The following DGKI variants were observed in gnomAD, a reference collection of about 807,000 sequenced individuals.
DGKI encodes DAG kinase iota.
In DGKI, 55 loss-of-function variants were observed where a neutral mutation model predicts 147.5. That is an observed-to-expected ratio of 0.37 (90% CI 0.30 to 0.47). The LOEUF (loss-of-function observed/expected upper bound fraction) is 0.47. Ranked by LOEUF, DGKI falls within the 20% of genes least tolerant of loss-of-function variation. DGKI has a pLI of 1.00. For synonymous variants in DGKI, 469 were observed against 477.1 expected (o/e 0.98, Z 0.22); for missense variants, 1,007 against 1,323.8 (o/e 0.76, Z 3.71).
chr7:137,831,340 C>T (rs1355513968), intron 1 of DGKI, among the ~76,000 whole-genome samples: 4 of 152,190 alleles, frequency 2.6e-5, no homozygotes, highest in African/African-American at 9.7e-5. Context: ...GCTGATAAAA[C>T]ATACCCAGGA....
At chr7:137,781,757 C>T (rs1796524703) in intron 1 of DGKI, among the ~76,000 whole-genome samples, 1 of 152,080 alleles carries the variant, frequency 6.6e-6, no homozygotes, top group African/African-American at 2.4e-5. Context: ...TTTTAATTGC[C>T]TAAGAGTGAC....
At position 137,646,261 on chromosome 7, in the gene DGKI, C is replaced by T. The variant is rs1053945716; in HGVS notation, c.739-724G>A. 8.5e-5 allele frequency among the ~76,000 whole-genome samples: 13 copies of T among 152,068 alleles called. No individual in the cohort carries two copies. In the East Asian group the frequency reaches 9.6e-4, roughly 11 times the overall value. On this transcript the variant is annotated intron_variant, in intron 5 of 32. Coordinates refer to ENST00000614521, the MANE Select transcript of DGKI (RefSeq NM_001321708.2). ...GAGATCTCCTAATACAAGACATAGA[C>T]GTGAGAATTATTCACTAGATAGAGT...
Position 137,475,431 on chromosome 7 carries a change from C to T in DGKI, c.2374-5812G>A, listed in dbSNP as rs1018047153. ...ATGTCTTCTATCACCAACAAGCATA[C>T]ATTTCGGAACATTTTATTTTACTGA... On this transcript the variant is annotated intron_variant, in intron 23 of 32. Coordinates refer to ENST00000614521, the MANE Select transcript of DGKI (RefSeq NM_001321708.2). 2.0e-5 allele frequency among the ~76,000 whole-genome samples: 3 copies of T among 152,154 alleles called. No homozygotes were observed. In the South Asian group the frequency reaches 6.2e-4, roughly 32 times the overall value.
intron 15 of DGKI, among the ~76,000 whole-genome samples, chr7:137,580,186 T>C (rs1038900305): frequency 1.3e-5 from 2 of 152,132 alleles, no homozygotes; most frequent in Admixed American, 6.6e-5. Context: ...TTTGTGATAA[T>C]TGTGTTACTT....
intron 1 of DGKI, among the ~76,000 whole-genome samples, chr7:137,789,991 C>T (rs185690150): frequency 6.6e-6 from 1 of 152,266 alleles, no homozygotes; most frequent in East Asian, 1.9e-4. Flanking sequence ...TTGCACACTT[C>T]TTCAGAAAAG....
At chr7:137,397,324 A>G in intron 31 of DGKI, 53 bp downstream of exon 31, 1 of 1,522,666 alleles carries the variant, frequency 6.6e-7, no homozygotes, top group African/African-American at 1.4e-5. Flanking sequence ...TTCTTCTCCC[A>G]GATATGTTCT....
chr7:137,801,982 A>G (rs1797226687), intron 1 of DGKI, among the ~76,000 whole-genome samples: 1 of 152,230 alleles, frequency 6.6e-6, no homozygotes, highest in Admixed American at 6.5e-5. Context: ...GCAAAAATAT[A>G]AAATGGGCCT....
intron 1 of DGKI, among the ~76,000 whole-genome samples, chr7:137,826,319 C>A (rs1453524733): frequency 6.6e-6 from 1 of 152,216 alleles, no homozygotes; most frequent in East Asian, 1.9e-4. Context: ...AATAAGCCGG[C>A]CATCGTCCTA....
At chr7:137,730,485 G>C (rs1197390843) in intron 1 of DGKI, among the ~76,000 whole-genome samples, 1 of 151,794 alleles carries the variant, frequency 6.6e-6, no homozygotes, top group African/African-American at 2.4e-5. Flanking sequence ...TTTATTCCTG[G>C]ATCTTTGTAA....
chr7:137,592,977 G>C (rs899912875), intron 12 of DGKI, among the ~76,000 whole-genome samples: 4 of 152,170 alleles, frequency 2.6e-5, no homozygotes, highest in Non-Finnish European at 5.9e-5. Context: ...ATGAGGAAAG[G>C]GGCTTAGGAT....
chr7:137,672,213 T>C (rs749545513), intron 3 of DGKI, among the ~76,000 whole-genome samples: 17 of 152,218 alleles, frequency 1.1e-4, no homozygotes, highest in Non-Finnish European at 2.4e-4. Flanking sequence ...AACTGCGGTA[T>C]CTGCATGGCT....
chr7:137,746,513 T>G (rs1178577625), intron 1 of DGKI, among the ~76,000 whole-genome samples: 1 of 152,182 alleles, frequency 6.6e-6, no homozygotes, highest in Non-Finnish European at 1.5e-5. Context: ...AAAATGAATT[T>G]CCCACTGGCA....
In DGKI at chr7:137,410,629, GT is replaced by G. The variant is rs749821742; in HGVS notation, c.2799+1540del. On this transcript the variant is annotated intron_variant, in intron 29 of 32. Transcript: ENST00000614521. ...TTTATTTAAAAGTACAAAAAAAAGT[GT>G]GATAATAAACTCAGGATCTTGGGAA... is the stretch of plus-strand genomic sequence containing the variant. Among the ~76,000 whole-genome samples, 472 of 152,312 alleles carry G rather than the reference GT, an allele frequency of 3.1e-3. 2 individuals are homozygous for G. The highest frequency in any genetic ancestry group is 0.01 in the African/African-American group (428 of 41,578).
At chr7:137,695,485 CAAT>C in intron 1 of DGKI, among the ~76,000 whole-genome samples, 1 of 152,280 alleles carries the variant, frequency 6.6e-6, no homozygotes, top group South Asian at 2.1e-4. Context: ...GTATCCCTCA[CAAT>C]AATAAGGTAT....
rs146927098 is a variant in DGKI at position 137,634,494 on chromosome 7, C to T, written c.805-10940G>A. Among the ~76,000 whole-genome samples the T allele has an allele frequency of 1.3e-3, 202 of 152,246 alleles. 1 individual carries two copies. Among genetic ancestry groups the T allele is most frequent in the Non-Finnish European group, 2.5e-3 (168 of 68,022 alleles). On this transcript the variant is annotated intron_variant, in intron 6 of 32. Coordinates refer to ENST00000614521, the MANE Select transcript of DGKI (RefSeq NM_001321708.2). ...TGTACTCTGGTGGAGAAATACCTGTCCATGAATCATCAGGTGTCATGAGCT... is the reference window on the plus strand; with the variant it reads ...TGTACTCTGGTGGAGAAATACCTGTTCATGAATCATCAGGTGTCATGAGCT...
intron 1 of DGKI, among the ~76,000 whole-genome samples, chr7:137,716,263 C>T (rs546892164): frequency 1.3e-5 from 2 of 152,154 alleles, no homozygotes; most frequent in Non-Finnish European, 2.9e-5. Context: ...CATCTTCAGA[C>T]AATCTGAACG....
intron 2 of DGKI, among the ~76,000 whole-genome samples, chr7:137,684,672 T>C (rs1823355968): frequency 6.6e-6 from 1 of 152,252 alleles, no homozygotes; most frequent in Non-Finnish European, 1.5e-5. Flanking sequence ...TCCCTTCATT[T>C]ACGTGGCTGA....
At chr7:137,796,819 C>T (rs976920075) in intron 1 of DGKI, among the ~76,000 whole-genome samples, 4 of 152,046 alleles carry the variant, frequency 2.6e-5, no homozygotes, top group African/African-American at 9.7e-5. Flanking sequence ...ACTTGTGGGA[C>T]ATGAGCCAGC....
At chr7:137,513,004 C>T (rs1816628765) in intron 21 of DGKI, among the ~76,000 whole-genome samples, 1 of 152,142 alleles carries the variant, frequency 6.6e-6, no homozygotes, top group Admixed American at 6.5e-5. Flanking sequence ...TGAATTCAAT[C>T]ATCCATTTCC....
Sources: gnomAD v4.1 joint callset for allele counts (sites outside exome capture counted in the v4.1 genomes callset) on GRCh38, gnomAD v4.1.1 for gene constraint, MANE v1.5 for transcripts, NCBI Gene and HGNC (gene_info 2026-07-23, HGNC 2026-07-21) for gene names.